PXDN: variants seen among roughly 807,000 people sequenced by gnomAD.
PXDN encodes peroxidasin homolog.
Under a neutral mutation model 140.3 loss-of-function variants are expected in PXDN, and 77 were observed. The ratio of observed to expected loss-of-function variants is 0.55; its 90% CI spans 0.46 to 0.66. PXDN has a LOEUF of 0.66. Ranked by LOEUF, PXDN falls within the 30% of genes least tolerant of loss-of-function variation. The probability of loss-of-function intolerance (pLI) is 0.00; values close to 1 mark genes in which losing one functional copy is unlikely to be tolerated. For synonymous variants in PXDN, 911 were observed against 857.4 expected, an observed-to-expected ratio of 1.06 and a Z score of -1.09; for missense variants, 1,838 against 2,039.5, an observed-to-expected ratio of 0.90 and a Z score of 1.90.
At chr2:1,655,942 T>G (rs1240310342) in intron 14 of PXDN, among the ~76,000 whole-genome samples, 1 of 150,644 alleles carries the variant, frequency 6.6e-6, no homozygotes, top group African/African-American at 2.5e-5. Flanking sequence ...ACCACACAAA[T>G]ACAACACACC....
At chr2:1,730,189 A>T (rs925129090) in intron 1 of PXDN, among the ~76,000 whole-genome samples, 14 of 152,246 alleles carry the variant, frequency 9.2e-5, no homozygotes, top group African/African-American at 3.4e-4. Flanking sequence ...GTTTATTTTT[A>T]AATTTTTCTA....
At position 1,660,831 on chromosome 2, in the gene PXDN, G is replaced by C. The variant is rs773010506; in HGVS notation, c.1837+50C>G. The C allele has an allele frequency of 2.5e-6, 4 of 1,572,480 alleles. No individual in the cohort carries two copies. The Admixed American group carries it at 5.3e-5, about 21-fold the overall frequency. ...CTGGGACCACACTAGGGACCTGCGGGCTTTCTTTGTGGATACCATGTGGGT... is the reference window on the plus strand; with the variant it reads ...CTGGGACCACACTAGGGACCTGCGGCCTTTCTTTGTGGATACCATGTGGGT... On this transcript the variant is annotated intron_variant, in intron 14 of 22. Transcript: ENST00000252804. The surrounding 1 kb of genome is among the most constrained non-coding windows in gnomAD (Gnocchi z 4.6).
At chr2:1,707,325 A>G (rs62116632) in intron 1 of PXDN, among the ~76,000 whole-genome samples, 273 of 8,968 alleles carry the variant, frequency 0.03, 25 homozygotes, top group Non-Finnish European at 0.038. Flanking sequence ...TCAGCTCTAA[A>G]CATCACCTGC....
At chr2:1,664,638 C>T in intron 11 of PXDN, 1 of 276,032 alleles carries the variant, frequency 3.6e-6, no homozygotes, top group Non-Finnish European at 6.8e-6. Context: ...CAAGAGGCTA[C>T]TTAAAAGCAC....
intron 8 of PXDN, among the ~76,000 whole-genome samples, chr2:1,676,021 C>T (rs1245459248): frequency 6.6e-6 from 1 of 152,164 alleles, no homozygotes; most frequent in African/African-American, 2.4e-5. Context: ...TTAAGGATTC[C>T]TTTCAAAAGG....
At chr2:1,645,789 A>G (rs957389286) in intron 17 of PXDN, 1 of 152,220 alleles carries the variant, frequency 6.6e-6, no homozygotes, top group Non-Finnish European at 1.5e-5. Flanking sequence ...GGCCACCAGA[A>G]GCGTCCACAC....
chr2:1,665,826 T>C (rs1683420782), intron 10 of PXDN, among the ~76,000 whole-genome samples: 1 of 152,178 alleles, frequency 6.6e-6, no homozygotes, highest in African/African-American at 2.4e-5. Context: ...CCAGATTACA[T>C]CCAAAACTGA....
At chr2:1,662,044 T>C (rs917592541) in intron 13 of PXDN, 28 bp downstream of exon 13, 33 of 1,548,096 alleles carry the variant, frequency 2.1e-5, no homozygotes, top group Non-Finnish European at 2.9e-5. Context: ...ATCTGGGTGG[T>C]GGCTGGCTCG....
chr2:1,655,703 A>C (rs1430264999), intron 14 of PXDN, among the ~76,000 whole-genome samples: 1 of 94,672 alleles, frequency 1.1e-5, no homozygotes, highest in Non-Finnish European at 2.0e-5. Flanking sequence ...CTCCTGACTG[A>C]AACCTGCCCC....
chr2:1,721,647 T>G (rs1326584634), intron 1 of PXDN, among the ~76,000 whole-genome samples: 1 of 152,152 alleles, frequency 6.6e-6, no homozygotes, highest in Non-Finnish European at 1.5e-5. Flanking sequence ...CCATACTGGC[T>G]AACACAGTGA....
rs139143478 is a variant in PXDN at position 1,720,095 on chromosome 2, C to CAGAG, written c.200+24157_200+24160dup. On this transcript the variant is annotated intron_variant, in intron 1 of 22. Coordinates refer to ENST00000252804, the MANE Select transcript of PXDN (RefSeq NM_012293.3). ...GCAGAGAGAGAGGGAGGGAGGGATGCAGAGAGAGAGGGAGGGAGGGATGCA... is the reference window on the plus strand; with the variant it reads ...GCAGAGAGAGAGGGAGGGAGGGATGCAGAGAGAGAGAGAGGGAGGGAGGGATGCA... Among the ~76,000 whole-genome samples the CAGAG allele has an allele frequency of 9.4e-4, 3 of 3,196 alleles. 1 individual carries two copies. Among genetic ancestry groups the CAGAG allele is most frequent in the Non-Finnish European group, 9.0e-4 (2 of 2,214 alleles). The allele number at this position is 3,196 out of a possible 152,430, so 2.1% of individuals were successfully genotyped here. A position where few individuals can be genotyped will look rare whatever the true frequency, so the allele number is the denominator to read the frequency against.
rs1427572286 is a variant in PXDN, at chr2:1,744,475, C to T, written c.-20G>A. The T allele has an allele frequency of 1.4e-6, 2 of 1,430,642 alleles. No individual in the cohort carries two copies. The highest frequency in any genetic ancestry group is 1.4e-5 in the South Asian group (1 of 69,008). The allele number at this position is 1,430,642 out of a possible 1,614,324, so 88.6% of individuals were successfully genotyped here. ...GGCCATGGCCGACGGCGCGGACGGA[C>T]GCTCGGACGCACGGAGCCACCACGG... On this transcript the variant is annotated 5_prime_UTR_variant, in exon 1 of 23. Transcript: ENST00000252804.
intron 18 of PXDN, 30 bp downstream of exon 18, chr2:1,644,588 C>A (rs755727983): frequency 6.4e-7 from 1 of 1,560,508 alleles, no homozygotes; most frequent in Non-Finnish European, 8.7e-7. Flanking sequence ...GGCTTAGGAG[C>A]GTGCTCCCCT....
intron 8 of PXDN, among the ~76,000 whole-genome samples, 173 bp downstream of exon 8, chr2:1,676,753 AC>A (rs1312348238): frequency 6.6e-6 from 1 of 152,130 alleles, no homozygotes; most frequent in African/African-American, 2.4e-5. Flanking sequence ...ACGTCGTCAC[AC>A]CCCCTGCCAT....
rs1349961682 is a variant in PXDN at position 1,743,684 on chromosome 2, GGGAGGAGGAGGAGGAAGGGGA to G, written c.200+551_200+571del. Among the ~76,000 whole-genome samples the G allele has an allele frequency of 3.9e-4, 26 of 65,838 alleles. 1 individual carries two copies. The East Asian group carries it at 8.5e-3, about 22-fold the overall frequency. The allele number at this position is 65,838 out of a possible 152,430, so 43.2% of individuals were successfully genotyped here. A position where few individuals can be genotyped will look rare whatever the true frequency, so the allele number is the denominator to read the frequency against. ...AGGGGAAGGGAGGAGGAGGAGGAAG[GGGAGGAGGAGGAGGAAGGGGA>G]GGAGGAGGAGGAAGGGGAGGAGGAA... On this transcript the variant is annotated intron_variant, in intron 1 of 22. Coordinates refer to ENST00000252804, the MANE Select transcript of PXDN (RefSeq NM_012293.3).
chr2:1,665,131 C>A, intron 10 of PXDN, 57 bp from the exon 11 acceptor site: 1 of 1,311,332 alleles, frequency 7.6e-7, no homozygotes, highest in Non-Finnish European at 1.1e-6. Context: ...GGGGTAAAAA[C>A]GCGACCAAGA....
rs1311819731 is a variant in PXDN at position 1,644,648 on chromosome 2, G to A, written c.3713C>T (p.Thr1238Ile). 1 of 1,608,612 alleles carries A rather than the reference G, an allele frequency of 6.2e-7. No individual in the cohort carries two copies. The highest frequency in any genetic ancestry group is 8.5e-7 in the Non-Finnish European group (1 of 1,176,532). ...LGPTLMCLLS[T>I]QFKRLRDGDR... is the part of the protein sequence containing the mutation. ...CCCATCTCGCAGGCGCTTGAACTGT[G>A]TGCTGAGAAGACACATCAGGGTGGG... is the stretch of plus-strand genomic sequence containing the variant. Residue 1238 changes from threonine (T) to isoleucine (I), a missense_variant, in exon 18 of 23, where the codon ACA (threonine) becomes ATA (isoleucine). Thr to Ile is a moderately conservative substitution (Grantham distance 89). This residue lies in a region of PXDN where 850 missense variants were observed against 894.1 expected (regional missense o/e 0.95). Coordinates refer to ENST00000252804, the MANE Select transcript of PXDN (RefSeq NM_012293.3).
At chr2:1,664,596 AAAATTCTATCCTCC>A (rs1264755879) in intron 11 of PXDN, 2 of 208,574 alleles carry the variant, frequency 9.6e-6, no homozygotes, top group African/African-American at 4.6e-5. Context: ...CTGTTTCCAG[AAAATTCTATCCTCC>A]ATGCAAATAG....
intron 7 of PXDN, among the ~76,000 whole-genome samples, chr2:1,677,711 C>T (rs902939301): frequency 2.0e-5 from 3 of 152,194 alleles, no homozygotes; most frequent in Admixed American, 6.5e-5. Flanking sequence ...GCTCCAGGCC[C>T]GCACAGGGAG....
Sources: gnomAD v4.1 joint callset for allele counts (sites outside exome capture counted in the v4.1 genomes callset) on GRCh38, gnomAD v4.1.1 for gene constraint, gnomAD v4.1.1 regional missense constraint, Gnocchi (gnomAD v3.1) non-coding constraint, MANE v1.5 for transcripts, NCBI Gene and HGNC (gene_info 2026-07-23, HGNC 2026-07-21) for gene names.